NUP93: variants seen among roughly 807,000 people sequenced by gnomAD.
NUP93 encodes the protein nuclear pore complex protein Nup93.
Under a neutral mutation model 107.8 loss-of-function variants are expected in NUP93, and 55 were observed. The observed-to-expected ratio is 0.51, with a 90% CI of 0.41 to 0.64. The LOEUF is 0.64. NUP93 is among the 30% of genes least tolerant of loss of function. The pLI is 0.00. For missense variants in NUP93, 937 were observed against 1,044.7 expected, an observed-to-expected ratio of 0.90 and a Z score of 1.42; for synonymous variants, 390 against 397.5, an observed-to-expected ratio of 0.98 and a Z score of 0.22.
intron 3 of NUP93, among the ~76,000 whole-genome samples, chr16:56,759,908 C>G (rs1459889347): frequency 2.6e-5 from 4 of 152,006 alleles, no homozygotes; most frequent in African/African-American, 7.2e-5. Context: ...TTTACATTTT[C>G]TTTGATATTC....
intron 2 of NUP93, among the ~76,000 whole-genome samples, chr16:56,749,804 G>A (rs1199771804): frequency 6.6e-6 from 1 of 152,204 alleles, no homozygotes; most frequent in Non-Finnish European, 1.5e-5. Context: ...TGTTGGCATT[G>A]GTAAAGGCAA....
In NUP93 at chr16:56,748,009, T is replaced by C. The variant is rs1961850227; in HGVS notation, c.-14-225T>C. The C allele has an allele frequency of 2.6e-5, 9 of 340,850 alleles. No individual in the cohort carries two copies. The South Asian group carries it at 5.5e-4, about 21-fold the overall frequency. 21.1% of individuals were successfully genotyped at this position (340,850 alleles called of 1,614,324 possible). A position where few individuals can be genotyped will look rare whatever the true frequency, so the allele number is the denominator to read the frequency against. Reference sequence around the variant, plus strand: ...TGATGGCAGAAATCAATCTTGGGGCTGTCAATATGCACAGAAATGATCTGT... The same window carrying C: ...TGATGGCAGAAATCAATCTTGGGGCCGTCAATATGCACAGAAATGATCTGT... On this transcript the variant is annotated intron_variant, in intron 1 of 21. Transcript: ENST00000308159.
chr16:56,733,820 G>C (rs1349159663), intron 1 of NUP93, among the ~76,000 whole-genome samples: 1 of 152,170 alleles, frequency 6.6e-6, no homozygotes, highest in African/African-American at 2.4e-5. Flanking sequence ...CATAACGTTT[G>C]AAATATTTTA....
intron 11 of NUP93, 82 bp downstream of exon 11, chr16:56,832,089 G>A: frequency 1.3e-6 from 2 of 1,517,718 alleles, no homozygotes; most frequent in Non-Finnish European, 1.8e-6. Context: ...CCTGCTTAAT[G>A]TATGATGCCA....
At chr16:56,825,034 C>T (rs1364700039) in intron 8 of NUP93, among the ~76,000 whole-genome samples, 3 of 151,706 alleles carry the variant, frequency 2.0e-5, no homozygotes, top group Admixed American at 6.6e-5. Context: ...GTCAGAATTT[C>T]TTATACTATA....
chr16:56,750,834 T>C (rs1173590648), intron 2 of NUP93, among the ~76,000 whole-genome samples: 1 of 152,150 alleles, frequency 6.6e-6, no homozygotes, highest in East Asian at 1.9e-4. Context: ...ATAAAATGAA[T>C]GAATACCCAT....
intron 1 of NUP93, among the ~76,000 whole-genome samples, chr16:56,738,986 C>T: frequency 6.9e-6 from 1 of 144,892 alleles, no homozygotes; most frequent in East Asian, 2.0e-4. Context: ...CCATTTAATC[C>T]TGAGTGGACA....
intron 5 of NUP93, among the ~76,000 whole-genome samples, chr16:56,810,086 A>T (rs1488639491): frequency 7.2e-5 from 11 of 152,222 alleles, no homozygotes. Context: ...TCGTAAAAAT[A>T]GAATAGTCTG....
At chr16:56,827,159 T>C (rs1157605864) in intron 8 of NUP93, among the ~76,000 whole-genome samples, 2 of 152,080 alleles carry the variant, frequency 1.3e-5, no homozygotes, top group Non-Finnish European at 2.9e-5. Context: ...ACCTGACTTT[T>C]TGAGGTAGTC....
At chr16:56,835,763 C>CTAA (rs1336813889) in intron 16 of NUP93, among the ~76,000 whole-genome samples, 1 of 152,160 alleles carries the variant, frequency 6.6e-6, no homozygotes, top group East Asian at 1.9e-4. Flanking sequence ...CCCAGGGTGC[C>CTAA]TAAGGCCTCT....
At chr16:56,836,578 C>G (rs1963916358) in intron 16 of NUP93, 23 bp from the exon 17 acceptor site, 2 of 1,376,266 alleles carry the variant, frequency 1.5e-6, no homozygotes, top group African/African-American at 2.8e-5. Context: ...CTCTTCCTCC[C>G]CCTCCATAAT....
chr16:56,771,359 AC>A (rs1335503555), intron 3 of NUP93, among the ~76,000 whole-genome samples: 7 of 152,186 alleles, frequency 4.6e-5, no homozygotes, highest in Non-Finnish European at 1.0e-4. Context: ...TGGAACTTGA[AC>A]CCAAATAATT....
intron 1 of NUP93, among the ~76,000 whole-genome samples, chr16:56,741,036 C>T (rs1015325514): frequency 1.1e-5 from 1 of 91,008 alleles, no homozygotes; most frequent in Admixed American, 1.1e-4. Flanking sequence ...AGAGGGAGAG[C>T]GCTAAATTTC....
intron 5 of NUP93, among the ~76,000 whole-genome samples, chr16:56,812,354 C>CT (rs1963334290): frequency 6.7e-6 from 1 of 148,432 alleles, no homozygotes; most frequent in African/African-American, 2.5e-5. Context: ...GTTTTTTTTT[C>CT]TTTTTTTGAG....
intron 5 of NUP93, among the ~76,000 whole-genome samples, chr16:56,814,245 A>G (rs968233759): frequency 4.6e-5 from 7 of 152,054 alleles, no homozygotes; most frequent in Non-Finnish European, 8.8e-5. Flanking sequence ...CGGTGGCGCA[A>G]TCTCAGCTCA....
At chr16:56,843,901 T>C (rs1350200560) in intron 21 of NUP93, among the ~76,000 whole-genome samples, 1 of 152,222 alleles carries the variant, frequency 6.6e-6, no homozygotes, top group Non-Finnish European at 1.5e-5. Flanking sequence ...GGGCCACCTT[T>C]TTCCATCCTG....
chr16:56,757,530 CTAAG>C (rs1486411481), intron 2 of NUP93, among the ~76,000 whole-genome samples: 1 of 152,186 alleles, frequency 6.6e-6, no homozygotes, highest in Non-Finnish European at 1.5e-5. Flanking sequence ...ACGAGTTCCC[CTAAG>C]TTTCTTTTTT....
intron 3 of NUP93, among the ~76,000 whole-genome samples, chr16:56,796,178 T>C (rs1962893941): frequency 6.6e-6 from 1 of 152,206 alleles, no homozygotes; most frequent in Non-Finnish European, 1.5e-5. Flanking sequence ...CTGAACAGAA[T>C]ACACTAATGT....
At position 56,830,559 on chromosome 16, in the gene NUP93, C is replaced by T. The variant is rs1015912856; in HGVS notation, c.959C>T (p.Ala320Val). Residue 320 changes from alanine to valine, a missense_variant, in exon 10 of 22, where the codon GCG becomes GTG. Ala to Val is a moderately conservative substitution (Grantham distance 64). Coordinates refer to ENST00000308159, the MANE Select transcript of NUP93 (RefSeq NM_014669.5). ...DGEVEGHPVW[A>V]LIYYCMRCGD... ...GAGGTGGAAGGCCATCCTGTGTGGG[C>T]GCTAATTTACTACTGCATGCGCTGT... The T allele has an allele frequency of 9.4e-6, 15 of 1,595,298 alleles. No homozygotes were observed. Among genetic ancestry groups the T allele is most frequent in the African/African-American group, 1.3e-5 (1 of 74,634 alleles).
Sources: allele counts gnomAD v4.1 joint callset (sites outside exome capture counted in the v4.1 genomes callset), GRCh38; gene constraint gnomAD v4.1.1; transcripts MANE v1.5; gene names NCBI Gene and HGNC (gene_info 2026-07-23, HGNC 2026-07-21).